Variants in RIMS1 observed in about 807,000 individuals in gnomAD.
RIMS1 encodes regulating synaptic membrane exocytosis 1, also known as regulating synaptic membrane exocytosis protein 1.
Under a neutral mutation model 214.1 loss-of-function variants are expected in RIMS1, and 83 were observed. That is an observed-to-expected ratio of 0.39 (90% CI 0.32 to 0.47). The LOEUF (loss-of-function observed/expected upper bound fraction) is 0.47. Among genes scored for constraint, RIMS1 ranks in the 20% least tolerant of loss-of-function variants. The pLI, the probability that RIMS1 is intolerant of heterozygous loss-of-function variation, is 0.99. For missense variants in RIMS1, 2,050 were observed against 2,161.8 expected (o/e 0.95, Z 1.03); for synonymous variants, 793 against 786.8 (o/e 1.01, Z -0.13).
At chr6:72,389,696 G>A (rs1461183705) in intron 29 of RIMS1, among the ~76,000 whole-genome samples, 1 of 152,092 alleles carries the variant, frequency 6.6e-6, no homozygotes, top group Non-Finnish European at 1.5e-5. Flanking sequence ...AAACTAAAGC[G>A]AAAACCAGAA....
chr6:71,954,887 A>G (rs909427839), intron 1 of RIMS1, among the ~76,000 whole-genome samples: 1 of 151,518 alleles, frequency 6.6e-6, no homozygotes, highest in Non-Finnish European at 1.5e-5. Context: ...ACACACACAC[A>G]CACACACCTA....
chr6:72,124,181 C>T (rs2039030220), intron 4 of RIMS1, among the ~76,000 whole-genome samples: 1 of 151,850 alleles, frequency 6.6e-6, no homozygotes. Context: ...GTGACAAAAT[C>T]TCTCAGCATT....
intron 4 of RIMS1, among the ~76,000 whole-genome samples, chr6:72,124,428 G>T (rs1438075158): frequency 1.3e-5 from 2 of 151,644 alleles, no homozygotes; most frequent in Admixed American, 1.3e-4. Flanking sequence ...TTTCAACCTT[G>T]GTGAATCTGA....
intron 6 of RIMS1, among the ~76,000 whole-genome samples, chr6:72,190,196 G>A (rs552350236): frequency 2.0e-5 from 3 of 152,272 alleles, no homozygotes; most frequent in East Asian, 1.9e-4. Context: ...GGGGAAGCTG[G>A]CTCATGCCTG....
At chr6:72,149,149 A>C (rs1420437094) in intron 4 of RIMS1, among the ~76,000 whole-genome samples, 2 of 152,142 alleles carry the variant, frequency 1.3e-5, no homozygotes, top group African/African-American at 2.4e-5. Flanking sequence ...GGAAAAAAAA[A>C]CTTTAATTGC....
At chr6:72,207,868 G>A (rs1453325960) in intron 6 of RIMS1, among the ~76,000 whole-genome samples, 1 of 152,112 alleles carries the variant, frequency 6.6e-6, no homozygotes, top group Admixed American at 6.6e-5. Flanking sequence ...TGGAGTTTGT[G>A]TGAAAGAGGA....
intron 23 of RIMS1, among the ~76,000 whole-genome samples, chr6:72,283,438 G>T: frequency 6.6e-6 from 1 of 152,248 alleles, no homozygotes; most frequent in South Asian, 2.1e-4. Flanking sequence ...TTAAAATGCT[G>T]TGTGCTTTTA....
intron 4 of RIMS1, among the ~76,000 whole-genome samples, chr6:72,117,389 G>A (rs1587406343): frequency 6.6e-6 from 1 of 151,916 alleles, no homozygotes; most frequent in African/African-American, 2.4e-5. Context: ...AAGTCTGTTT[G>A]TTCTCTGGTA....
chr6:72,134,740 G>T (rs927799232), intron 4 of RIMS1, among the ~76,000 whole-genome samples: 27 of 152,156 alleles, frequency 1.8e-4, no homozygotes, highest in African/African-American at 6.5e-4. Flanking sequence ...ATTTGATAGT[G>T]ATAGTAATAA....
chr6:72,021,561 G>T (rs1379532661), intron 2 of RIMS1, among the ~76,000 whole-genome samples: 1 of 152,168 alleles, frequency 6.6e-6, no homozygotes, highest in Non-Finnish European at 1.5e-5. Flanking sequence ...CTTAAGCCCA[G>T]TATACCTGGT....
chr6:72,103,995 T>C (rs950050660), intron 4 of RIMS1, among the ~76,000 whole-genome samples: 1 of 152,220 alleles, frequency 6.6e-6, no homozygotes, highest in Non-Finnish European at 1.5e-5. Flanking sequence ...TGAATTTTTT[T>C]AAGACATATT....
intron 1 of RIMS1, among the ~76,000 whole-genome samples, chr6:71,897,789 T>G (rs1772282911): frequency 1.3e-5 from 2 of 152,204 alleles, no homozygotes; most frequent in South Asian, 4.1e-4. Context: ...ATAGAATAGG[T>G]GCCCATTTTT....
intron 28 of RIMS1, among the ~76,000 whole-genome samples, chr6:72,320,578 A>G (rs189541080): frequency 6.6e-6 from 1 of 152,234 alleles, no homozygotes; most frequent in East Asian, 1.9e-4. Context: ...TATGCAATGT[A>G]TAGTGAAACT....
chr6:72,306,325 A>C (rs1303933845), intron 26 of RIMS1, among the ~76,000 whole-genome samples: 2 of 152,112 alleles, frequency 1.3e-5, no homozygotes, highest in Non-Finnish European at 2.9e-5. Context: ...TTGTCTGGGA[A>C]GTTGGCAAAT....
At chr6:72,235,772 G>A in intron 8 of RIMS1, 44 bp downstream of exon 8, 1 of 1,160,596 alleles carries the variant, frequency 8.6e-7, no homozygotes, top group Non-Finnish European at 1.2e-6. Context: ...GTGAATTACA[G>A]TATGGTCTGC....
At chr6:72,299,718 G>A (rs1018674404) in intron 26 of RIMS1, among the ~76,000 whole-genome samples, 5 of 151,688 alleles carry the variant, frequency 3.3e-5, no homozygotes, top group African/African-American at 1.2e-4. Context: ...AGCATTTTTT[G>A]TACAGTTGTA....
intron 6 of RIMS1, chr6:72,212,941 G>A: frequency 7.2e-7 from 1 of 1,390,174 alleles, no homozygotes; most frequent in Non-Finnish European, 9.3e-7. Flanking sequence ...AGACTTTCTT[G>A]TTCTCACACC....
At chr6:72,058,629 C>G (rs1827005998) in intron 2 of RIMS1, among the ~76,000 whole-genome samples, 1 of 152,168 alleles carries the variant, frequency 6.6e-6, no homozygotes, top group African/African-American at 2.4e-5. Flanking sequence ...GCTTTGGGTT[C>G]TCTCCTAGGT....
At chr6:71,924,982 A>AGT (rs1308387158) in intron 1 of RIMS1, among the ~76,000 whole-genome samples, 1 of 152,158 alleles carries the variant, frequency 6.6e-6, no homozygotes, top group Non-Finnish European at 1.5e-5. Context: ...GGGACTGTGC[A>AGT]GTGCTGTCTT....
Sources: allele counts gnomAD v4.1 joint callset (sites outside exome capture counted in the v4.1 genomes callset), GRCh38; gene constraint gnomAD v4.1.1; transcripts MANE v1.5; gene names NCBI Gene and HGNC (gene_info 2026-07-23, HGNC 2026-07-21).